Variants in BICC1 observed in about 807,000 individuals in gnomAD.
BICC1 encodes the protein protein bicaudal C homolog 1.
Under a neutral mutation model 111.0 loss-of-function variants are expected in BICC1, and 43 were observed. The ratio of observed to expected loss-of-function variants is 0.39; its 90% CI spans 0.30 to 0.50. The LOEUF (loss-of-function observed/expected upper bound fraction) is 0.50, where lower values mean the gene tolerates loss of function less well. BICC1 is among the 20% of genes least tolerant of loss of function. The pLI, the probability that BICC1 is intolerant of heterozygous loss-of-function variation, is 0.88. For synonymous variants in BICC1, 467 were observed against 434.4 expected, an observed-to-expected ratio of 1.07 and a Z score of -0.93; for missense variants, 1,091 against 1,203.2, an observed-to-expected ratio of 0.91 and a Z score of 1.38.
At chr10:58,682,960 G>T (rs1589015480) in intron 2 of BICC1, among the ~76,000 whole-genome samples, 1 of 152,288 alleles carries the variant, frequency 6.6e-6, no homozygotes, top group East Asian at 1.9e-4. Context: ...CCTTGCCCAT[G>T]CCTATGTCCT....
At chr10:58,591,976 A>G (rs1844634280) in intron 1 of BICC1, among the ~76,000 whole-genome samples, 1 of 152,246 alleles carries the variant, frequency 6.6e-6, no homozygotes, top group Non-Finnish European at 1.5e-5. Flanking sequence ...TAGATTATAT[A>G]GAGTAATACA....
rs1055666844 is a variant in BICC1, at chr10:58,823,471, G to C, written c.2794+3003G>C. The C allele has an allele frequency of 3.0e-6, 3 of 984,390 alleles. No homozygotes were observed. In the East Asian group the frequency reaches 3.4e-4, roughly 112 times the overall value. 61.0% of individuals were successfully genotyped at this position (984,390 alleles called of 1,614,324 possible). A position where few individuals can be genotyped will look rare whatever the true frequency, so the allele number is the denominator to read the frequency against. On this transcript the variant is annotated intron_variant, in intron 20 of 20. Coordinates refer to ENST00000373886, the MANE Select transcript of BICC1 (RefSeq NM_001080512.3). ...CTGTGCATCACATTTAAAAACATATGTATGTACTCTCTTAGAAACTGTATC... is the reference window on the plus strand; with the variant it reads ...CTGTGCATCACATTTAAAAACATATCTATGTACTCTCTTAGAAACTGTATC...
chr10:58,804,784 T>C (rs1843659698), intron 15 of BICC1, among the ~76,000 whole-genome samples: 1 of 152,168 alleles, frequency 6.6e-6, no homozygotes, highest in South Asian at 2.1e-4. Flanking sequence ...ATGTTGTTAG[T>C]GAACAGTTGA....
intron 2 of BICC1, among the ~76,000 whole-genome samples, chr10:58,622,734 G>C (rs10740740): frequency 0.61 from 92,750 of 151,956 alleles, 28,605 homozygotes; most frequent in African/African-American, 0.67. Flanking sequence ...TATTTTGACT[G>C]GACAGAAGTA....
chr10:58,688,676 TAC>T (rs1839822152), intron 2 of BICC1, among the ~76,000 whole-genome samples: 1 of 152,194 alleles, frequency 6.6e-6, no homozygotes, highest in South Asian at 2.1e-4. Context: ...ATGGCATATA[TAC>T]ACCATGTAAT....
intron 2 of BICC1, among the ~76,000 whole-genome samples, chr10:58,666,262 G>T (rs1839006436): frequency 1.3e-5 from 2 of 152,314 alleles, no homozygotes; most frequent in East Asian, 3.9e-4. Flanking sequence ...TTTGAACACA[G>T]GTTGAACATT....
At chr10:58,573,711 G>C (rs11006188) in intron 1 of BICC1, among the ~76,000 whole-genome samples, 55,229 of 151,936 alleles carry the variant, frequency 0.36, 11,276 homozygotes, top group Admixed American at 0.56. Flanking sequence ...GGTGCCTGCT[G>C]TCTGTCCTTA....
At chr10:58,659,070 G>A (rs1229905862) in intron 2 of BICC1, among the ~76,000 whole-genome samples, 1 of 151,986 alleles carries the variant, frequency 6.6e-6, no homozygotes, top group Non-Finnish European at 1.5e-5. Context: ...AGTTCATTCT[G>A]GGCTATTAAA....
At position 58,793,479 on chromosome 10, in the gene BICC1, T is replaced by C; in HGVS notation, c.1048-5T>C. ...TCCTACACATTCTATTGTGACATTT[T>C]CTAGGGTTGTCTTCCTCTTGTGTTG... On this transcript the variant is annotated splice_region_variant and splice_polypyrimidine_tract_variant and intron_variant, in intron 8 of 20. Transcript: ENST00000373886. 1.2e-6 allele frequency: 2 copies of C among 1,609,280 alleles called. No homozygotes were observed. The highest frequency in any genetic ancestry group is 1.7e-6 in the Non-Finnish European group (2 of 1,177,076).
chr10:58,623,766 A>T (rs11006209), intron 2 of BICC1, among the ~76,000 whole-genome samples: 1 of 151,870 alleles, frequency 6.6e-6, no homozygotes, highest in Admixed American at 6.6e-5. Context: ...AGAATATTGA[A>T]GAGAGGCACG....
intron 3 of BICC1, among the ~76,000 whole-genome samples, chr10:58,730,015 C>T (rs181814317): frequency 1.3e-5 from 2 of 152,246 alleles, no homozygotes; most frequent in East Asian, 1.9e-4. Context: ...CCCAACAGTC[C>T]CCCAAGTCTT....
intron 3 of BICC1, among the ~76,000 whole-genome samples, chr10:58,732,434 T>C (rs1260822599): frequency 1.7e-5 from 1 of 58,572 alleles, no homozygotes; most frequent in East Asian, 5.6e-4. Context: ...TATATATATA[T>C]ATATATACTG....
At chr10:58,758,054 T>C (rs948552060) in intron 3 of BICC1, among the ~76,000 whole-genome samples, 2 of 152,172 alleles carry the variant, frequency 1.3e-5, no homozygotes, top group Non-Finnish European at 2.9e-5. Context: ...TTGCAGTATT[T>C]TTCCTTCTAC....
At chr10:58,809,352 T>A (rs971796606) in intron 17 of BICC1, among the ~76,000 whole-genome samples, 5 of 152,094 alleles carry the variant, frequency 3.3e-5, no homozygotes, top group Admixed American at 3.3e-4. Flanking sequence ...TTTTCATTTT[T>A]AAATTTTAAT....
intron 15 of BICC1, among the ~76,000 whole-genome samples, chr10:58,804,875 T>A (rs1843662289): frequency 6.6e-6 from 1 of 152,228 alleles, no homozygotes; most frequent in African/African-American, 2.4e-5. Flanking sequence ...TGGCCTGATT[T>A]CCTTGGCTGA....
intron 1 of BICC1, among the ~76,000 whole-genome samples, chr10:58,557,375 A>C (rs1282617048): frequency 1.3e-5 from 2 of 150,150 alleles, no homozygotes; most frequent in Non-Finnish European, 3.0e-5. Flanking sequence ...AGTGGAGTTC[A>C]TTGAGCTTCT....
chr10:58,559,006 A>C (rs1251551832), intron 1 of BICC1, among the ~76,000 whole-genome samples: 1 of 151,912 alleles, frequency 6.6e-6, no homozygotes, highest in East Asian at 1.9e-4. Context: ...GATGATACAA[A>C]TATTCAAACC....
intron 2 of BICC1, among the ~76,000 whole-genome samples, chr10:58,662,159 C>G (rs1321977213): frequency 6.6e-6 from 1 of 152,068 alleles, no homozygotes; most frequent in Non-Finnish European, 1.5e-5. Flanking sequence ...ACTTAAGTGG[C>G]TATAGAATTA....
intron 1 of BICC1, among the ~76,000 whole-genome samples, chr10:58,584,301 C>G (rs137949902): frequency 8.9e-4 from 136 of 152,286 alleles, no homozygotes; most frequent in African/African-American, 3.2e-3. Flanking sequence ...CCCATGAATT[C>G]TGTTGTCCTC....
Sources: allele counts gnomAD v4.1 joint callset (sites outside exome capture counted in the v4.1 genomes callset), GRCh38; gene constraint gnomAD v4.1.1; transcripts MANE v1.5; gene names NCBI Gene and HGNC (gene_info 2026-07-23, HGNC 2026-07-21).